Variants in CAMK4 observed in about 807,000 individuals in gnomAD.
CAMK4 encodes calcium/calmodulin dependent protein kinase IV, also known as calcium/calmodulin-dependent protein kinase type IV.
CAMK4 carries 22 observed loss-of-function variants against 44.9 expected under a neutral mutation model. The ratio of observed to expected loss-of-function variants is 0.49; its 90% CI spans 0.35 to 0.70. The LOEUF (loss-of-function observed/expected upper bound fraction) is 0.70, where lower values mean the gene tolerates loss of function less well. CAMK4 is among the 30% of genes least tolerant of loss of function. CAMK4 has a pLI of 0.01. For missense variants in CAMK4, 498 were observed against 586.8 expected (o/e 0.85, Z 1.56); for synonymous variants, 218 against 215.4 (o/e 1.01, Z -0.11).
intron 1 of CAMK4, among the ~76,000 whole-genome samples, chr5:111,236,091 C>G (rs556207108): frequency 6.6e-6 from 1 of 152,208 alleles, no homozygotes; most frequent in African/African-American, 2.4e-5. Context: ...GTGTTCTCCA[C>G]GTCATTTCTG....
chr5:111,358,206 T>C (rs562985361), intron 2 of CAMK4: 1 of 152,244 alleles, frequency 6.6e-6, no homozygotes, highest in African/African-American at 2.4e-5. Flanking sequence ...TGCCAAATTC[T>C]GTTAAAACCT....
At chr5:111,254,390 C>T (rs1156766151) in intron 1 of CAMK4, among the ~76,000 whole-genome samples, 2 of 152,180 alleles carry the variant, frequency 1.3e-5, no homozygotes, top group Non-Finnish European at 2.9e-5. Context: ...GAGATGATCC[C>T]AGATGTCTGC....
chr5:111,281,158 A>C (rs1307478827), intron 1 of CAMK4, among the ~76,000 whole-genome samples: 2 of 152,184 alleles, frequency 1.3e-5, no homozygotes, highest in Non-Finnish European at 2.9e-5. Flanking sequence ...GAGACTATTA[A>C]AGCAGAGGTG....
intron 1 of CAMK4, among the ~76,000 whole-genome samples, chr5:111,292,979 C>T (rs1747336791): frequency 1.3e-5 from 2 of 152,118 alleles, no homozygotes; most frequent in South Asian, 4.1e-4. Context: ...GAATTTAATG[C>T]TTGAATGAAG....
At chr5:111,481,304 T>C (rs1755426219) in intron 9 of CAMK4, among the ~76,000 whole-genome samples, 1 of 152,202 alleles carries the variant, frequency 6.6e-6, no homozygotes, top group East Asian at 1.9e-4. Flanking sequence ...TACATAAAAT[T>C]ATTAGTAGTC....
intron 1 of CAMK4, among the ~76,000 whole-genome samples, chr5:111,295,758 T>G (rs886112747): frequency 7.9e-5 from 12 of 152,192 alleles, no homozygotes; most frequent in African/African-American, 2.9e-4. Context: ...TCCCCACTGT[T>G]GTCTAGTGGT....
chr5:111,316,331 GT>G (rs1336102628), intron 1 of CAMK4, among the ~76,000 whole-genome samples: 1 of 152,162 alleles, frequency 6.6e-6, no homozygotes. Flanking sequence ...GATCACCACT[GT>G]CCCACTTAAC....
In CAMK4 at chr5:111,473,342, A is replaced by G; in HGVS notation, c.657A>G (p.Gly219=). The G allele has an allele frequency of 6.2e-7, 1 of 1,613,048 alleles. No homozygotes were observed. Among genetic ancestry groups the G allele is most frequent in the South Asian group, 1.1e-5 (1 of 91,010 alleles). ...AAATTCTTAGAGGTTGTGCCTATGG[A>G]CCTGAGGTGGACATGTGGTCTGTAG... ...APEILRGCAY[G]PEVDMWSVGI... The change falls in exon 8 of 11, where the codon GGA becomes GGG. Residue 219 remains glycine, a synonymous_variant. Coordinates refer to ENST00000282356, the MANE Select transcript of CAMK4 (RefSeq NM_001744.6).
chr5:111,294,341 AC>A (rs1747400454), intron 1 of CAMK4, among the ~76,000 whole-genome samples: 1 of 152,206 alleles, frequency 6.6e-6, no homozygotes, highest in Non-Finnish European at 1.5e-5. Context: ...CAATTACATC[AC>A]ATTTCATTTT....
chr5:111,388,555 G>T (rs1751686624), intron 4 of CAMK4, among the ~76,000 whole-genome samples: 2 of 151,980 alleles, frequency 1.3e-5, no homozygotes, highest in Admixed American at 6.6e-5. Context: ...GCTATTTCTG[G>T]AATCCTTTCC....
intron 7 of CAMK4, among the ~76,000 whole-genome samples, chr5:111,450,213 C>T (rs910510610): frequency 1.3e-5 from 2 of 151,934 alleles, no homozygotes; most frequent in African/African-American, 4.8e-5. Flanking sequence ...ACCATAATCC[C>T]CAGCTAGCTC....
intron 7 of CAMK4, among the ~76,000 whole-genome samples, chr5:111,466,294 C>A (rs189525778): frequency 8.5e-5 from 13 of 152,274 alleles, no homozygotes; most frequent in Non-Finnish European, 1.0e-4. Context: ...TGGAGCAGGA[C>A]AAAGATGCCC....
intron 8 of CAMK4, among the ~76,000 whole-genome samples, chr5:111,477,786 G>T (rs1434555622): frequency 6.6e-6 from 1 of 152,096 alleles, no homozygotes; most frequent in African/African-American, 2.4e-5. Flanking sequence ...AATAGTTTCA[G>T]CTTCTGTCTT....
At chr5:111,414,575 A>G (rs1332096388) in intron 5 of CAMK4, among the ~76,000 whole-genome samples, 1 of 152,190 alleles carries the variant, frequency 6.6e-6, no homozygotes, top group Non-Finnish European at 1.5e-5. Flanking sequence ...TGACATAGAA[A>G]TAGAATAAAA....
chr5:111,441,815 T>A (rs1753832390), intron 5 of CAMK4, among the ~76,000 whole-genome samples: 1 of 152,338 alleles, frequency 6.6e-6, no homozygotes, highest in South Asian at 2.1e-4. Flanking sequence ...TGGTAAGATA[T>A]GTTTCTCCAT....
chr5:111,442,780 A>G (rs956612629), intron 5 of CAMK4, among the ~76,000 whole-genome samples: 14 of 148,332 alleles, frequency 9.4e-5, no homozygotes, highest in African/African-American at 2.7e-4. Flanking sequence ...AATATTATAT[A>G]TCTTATTAAC....
At chr5:111,287,674 T>C (rs1751295411) in intron 1 of CAMK4, among the ~76,000 whole-genome samples, 1 of 152,244 alleles carries the variant, frequency 6.6e-6, no homozygotes, top group African/African-American at 2.4e-5. Context: ...TGGATGCTTA[T>C]GTAAAAGTTT....
chr5:111,362,705 T>G (rs1228246004), intron 2 of CAMK4, among the ~76,000 whole-genome samples: 1 of 152,026 alleles, frequency 6.6e-6, no homozygotes, highest in Non-Finnish European at 1.5e-5. Flanking sequence ...AATTCTCTCT[T>G]TGTTAATCAG....
chr5:111,477,753 AT>A (rs1561512236), intron 8 of CAMK4, among the ~76,000 whole-genome samples: 1 of 152,130 alleles, frequency 6.6e-6, no homozygotes, highest in Non-Finnish European at 1.5e-5. Context: ...AATCTTATAC[AT>A]TTTTTAAGGT....
Sources: gnomAD v4.1 joint callset for allele counts (sites outside exome capture counted in the v4.1 genomes callset) on GRCh38, gnomAD v4.1.1 for gene constraint, MANE v1.5 for transcripts, NCBI Gene and HGNC (gene_info 2026-07-23, HGNC 2026-07-21) for gene names.